Variants in RGP1 observed in about 807,000 individuals in gnomAD.
The protein encoded by RGP1 is RGP1 partner of RAB6A GEF complex, also known as RAB6A-GEF complex partner protein 2.
RGP1 carries 28 observed loss-of-function variants against 44.5 expected under a neutral mutation model. The observed-to-expected ratio is 0.63, with a 90% confidence interval of 0.47 to 0.86. The LOEUF (loss-of-function observed/expected upper bound fraction) is 0.86, where lower values mean the gene tolerates loss of function less well. Ranked by LOEUF, RGP1 falls within the 40% of genes least tolerant of loss-of-function variation. RGP1 has a pLI of 0.00. For synonymous variants in RGP1, 212 were observed against 196.7 expected (o/e 1.08, Z -0.65); for missense variants, 417 against 490.7 (o/e 0.85, Z 1.42).
At chr9:35,759,392 C>G (rs1003021480), downstream of RGP1, among the ~76,000 whole-genome samples, 6 of 151,772 alleles carry the variant, frequency 4.0e-5, no homozygotes, top group Admixed American at 3.9e-4. Flanking sequence ...TGGTGAAACC[C>G]TGTCTCTAAA....
the RGP1 span, among the ~76,000 whole-genome samples, chr9:35,766,147 TAAAA>T: frequency 1.6e-5 from 2 of 125,118 alleles, no homozygotes; most frequent in African/African-American, 6.2e-5. Context: ...GTCAGTTTCT[TAAAA>T]AAAAAAAAAA....
chr9:35,752,576 A>T (rs980637386), intron 8 of RGP1, 75 bp from the exon 9 acceptor site: 4 of 1,229,138 alleles, frequency 3.3e-6, no homozygotes, highest in Non-Finnish European at 2.3e-6. Flanking sequence ...CTTCTCATTC[A>T]CTAACTATAT....
rs1304927436 is a variant in RGP1, at chr9:35,754,145, C to T, written c.*1271C>T. ...TTAGGGCCATTGCTGCTGCACAGCC[C>T]TCTCAGACCCTTCTTGGCCTCTGCT... On this transcript the variant is annotated 3_prime_UTR_variant, in exon 9 of 9. Transcript: ENST00000378078. 1 of 1,605,598 alleles carries T rather than the reference C, an allele frequency of 6.2e-7. No individual in the cohort carries two copies. The highest frequency in any genetic ancestry group is 1.3e-5 in the African/African-American group (1 of 74,644).
At chr9:35,778,064 C>G in the RGP1 span, among the ~76,000 whole-genome samples, 2 of 152,110 alleles carry the variant, frequency 1.3e-5, no homozygotes, top group Non-Finnish European at 2.9e-5. Context: ...CTTTGGGAAG[C>G]CGAGGTGGGC....
the RGP1 span, among the ~76,000 whole-genome samples, chr9:35,771,881 A>G: frequency 1.3e-5 from 2 of 152,262 alleles, no homozygotes; most frequent in Admixed American, 1.3e-4. Flanking sequence ...TCCCCAAACA[A>G]GGTATAACAC....
At chr9:35,785,338 G>A in the RGP1 span, among the ~76,000 whole-genome samples, 1 of 151,886 alleles carries the variant, frequency 6.6e-6, no homozygotes, top group South Asian at 2.1e-4. Flanking sequence ...CCCTGAAGGT[G>A]CCTCAGGGGT....
the RGP1 span, among the ~76,000 whole-genome samples, chr9:35,767,286 T>G: frequency 9.4e-5 from 14 of 148,662 alleles, 1 homozygote; most frequent in Admixed American, 7.4e-4. Flanking sequence ...CAAATTGGTT[T>G]TTTTTTTTTT....
At chr9:35,764,621 C>T in the RGP1 span, among the ~76,000 whole-genome samples, 3 of 152,124 alleles carry the variant, frequency 2.0e-5, no homozygotes, top group African/African-American at 7.2e-5. Context: ...AGATGTAGAA[C>T]ATCTCTGTCA....
rs1827325815 is a variant in RGP1, at chr9:35,754,269, C to T, written c.*1395C>T. On this transcript the variant is annotated 3_prime_UTR_variant, in exon 9 of 9. Transcript: ENST00000378078. ...TGGGCTCCTGTCTCACACTATCTCC[C>T]TGCCCTCTGCTCTCACAGGCTGGGG... 1.9e-6 allele frequency: 2 copies of T among 1,050,368 alleles called. No individual in the cohort carries two copies. The highest frequency in any genetic ancestry group is 2.7e-6 in the Non-Finnish European group (2 of 747,138). 65.1% of individuals were successfully genotyped at this position (1,050,368 alleles called of 1,614,324 possible).
the RGP1 span, among the ~76,000 whole-genome samples, chr9:35,784,433 T>G: frequency 5.3e-4 from 81 of 152,270 alleles, 1 homozygote; most frequent in South Asian, 4.1e-3. Context: ...CTTTCGTAAG[T>G]GATGAGAGAT....
At chr9:35,784,390 T>C in the RGP1 span, among the ~76,000 whole-genome samples, 3 of 152,234 alleles carry the variant, frequency 2.0e-5, no homozygotes, top group African/African-American at 7.2e-5. Context: ...TTTTCAGTCC[T>C]TACATTTAAG....
the RGP1 span, among the ~76,000 whole-genome samples, chr9:35,787,032 G>A: frequency 2.8e-4 from 43 of 151,508 alleles, no homozygotes; most frequent in East Asian, 2.3e-3. Context: ...CCCGGGAGGC[G>A]GAGCTTGCAG....
In RGP1 at chr9:35,753,165, G is replaced by T; in HGVS notation, c.*291G>T. On this transcript the variant is annotated 3_prime_UTR_variant, in exon 9 of 9. Transcript: ENST00000378078. The surrounding 1 kb of genome is among the most constrained non-coding windows in gnomAD (Gnocchi z 4.2). The stretch of plus-strand genomic sequence containing the variant: ...TTGGCTGAGCCCCATTCTGGGTCAG[G>T]CCCTCCCCCTTTGCAGGGCAGCCGA... 6.2e-7 allele frequency: 1 copy of T among 1,614,186 alleles called. No homozygotes were observed. The highest frequency in any genetic ancestry group is 8.5e-7 in the Non-Finnish European group (1 of 1,180,024).
At position 35,752,025 on chromosome 9, in the gene RGP1, G is replaced by T. The variant is rs757853604; in HGVS notation, c.832G>T (p.Val278Phe). Residue 278 changes from valine to phenylalanine, a missense_variant, in exon 8 of 9, where the codon GTC becomes TTC. Coordinates refer to ENST00000378078, the MANE Select transcript of RGP1 (RefSeq NM_001080496.3). ...CCAGCGGCGACGTGGGGCAGGGGGT[G>T]TCCCCTCTGTGTCACATGTGACTCA... Reference protein sequence around the residue: ...EYQRRRGAGGVPSVSHVTHAR... With the variant: ...EYQRRRGAGGFPSVSHVTHAR... 14 of 1,610,030 alleles carry T rather than the reference G, an allele frequency of 8.7e-6. No homozygotes were observed. The highest frequency in any genetic ancestry group is 1.1e-5 in the South Asian group (1 of 90,546).
the RGP1 span, chr9:35,786,693 T>C: frequency 6.6e-6 from 1 of 152,234 alleles, no homozygotes; most frequent in Admixed American, 6.5e-5. Context: ...AAATGACTTG[T>C]TTGGACTGTA....
At chr9:35,787,794 G>A in the RGP1 span, among the ~76,000 whole-genome samples, 3 of 152,168 alleles carry the variant, frequency 2.0e-5, no homozygotes, top group Non-Finnish European at 4.4e-5. Context: ...ATTGAGATGT[G>A]TTGTGAAGTG....
At position 35,752,083 on chromosome 9, in the gene RGP1, C is replaced by G. The variant is rs376886636; in HGVS notation, c.890C>G (p.Thr297Ser). 2.5e-6 allele frequency: 4 copies of G among 1,606,574 alleles called. 1 individual carries two copies. In the Admixed American group the frequency reaches 5.1e-5, roughly 20 times the overall value. Reference protein sequence around the residue: ...ARHQESCLHTTRTSFSLPIPL... With the variant: ...ARHQESCLHTSRTSFSLPIPL... ...CACCAGGAATCCTGCCTACATACAA[C>G]TAGAACCAGCTTCTCCCTCCCAATC... Residue 297 changes from threonine (T) to serine (S), a missense_variant, in exon 8 of 9, where the codon ACT (threonine) becomes AGT (serine). By Grantham distance (58) the Thr-to-Ser change is moderately conservative. Coordinates refer to ENST00000378078, the MANE Select transcript of RGP1 (RefSeq NM_001080496.3).
chr9:35,788,821 G>A, the RGP1 span, among the ~76,000 whole-genome samples: 181 of 152,262 alleles, frequency 1.2e-3, 5 homozygotes, highest in South Asian at 0.036. Context: ...AGCTTGGATA[G>A]TGGGATATAT....
chr9:35,767,976 T>C, the RGP1 span, among the ~76,000 whole-genome samples: 7,175 of 152,104 alleles, frequency 0.047, 192 homozygotes, highest in East Asian at 0.065. Context: ...AGTTTTTGTA[T>C]TTTTAGTAGA....
Sources: allele counts gnomAD v4.1 joint callset (sites outside exome capture counted in the v4.1 genomes callset), GRCh38; gene constraint gnomAD v4.1.1; non-coding constraint Gnocchi (gnomAD v3.1); transcripts MANE v1.5; gene names NCBI Gene and HGNC (gene_info 2026-07-23, HGNC 2026-07-21).